The following NDUFS4 variants were observed in gnomAD, a reference collection of about 807,000 sequenced individuals.
The protein encoded by NDUFS4 is NADH dehydrogenase [ubiquinone] iron-sulfur protein 4, mitochondrial.
In NDUFS4, 28 loss-of-function variants were observed where a neutral mutation model predicts 24.3. The observed-to-expected ratio is 1.15, with a 90% CI of 0.85 to 1.58. The LOEUF (loss-of-function observed/expected upper bound fraction) is 1.58. NDUFS4 is among the 40% of genes most tolerant of loss of function. The pLI, the probability that NDUFS4 is intolerant of heterozygous loss-of-function variation, is 0.00. For synonymous variants in NDUFS4, 93 were observed against 69.7 expected, an observed-to-expected ratio of 1.34 and a Z score of -1.67; for missense variants, 223 against 207.9, an observed-to-expected ratio of 1.07 and a Z score of -0.45.
chr5:53,669,640 T>C (rs1752610856), intron 4 of NDUFS4, among the ~76,000 whole-genome samples: 1 of 152,188 alleles, frequency 6.6e-6, no homozygotes, highest in African/African-American at 2.4e-5. Context: ...GTCAGAAGCA[T>C]GTTGAACACA....
At chr5:53,674,173 GAAGAAA>G (rs969745622) in intron 4 of NDUFS4, among the ~76,000 whole-genome samples, 30 of 152,260 alleles carry the variant, frequency 2.0e-4, no homozygotes, top group African/African-American at 7.2e-4. Flanking sequence ...TGCTAAATTT[GAAGAAA>G]AAGTATATTG....
chr5:53,593,436 T>G (rs1023652560), intron 1 of NDUFS4, among the ~76,000 whole-genome samples: 4 of 151,774 alleles, frequency 2.6e-5, no homozygotes, highest in African/African-American at 9.7e-5. Context: ...ATCTGTCTGT[T>G]TCTCTTTTTT....
intron 2 of NDUFS4, among the ~76,000 whole-genome samples, chr5:53,632,655 A>C (rs188240655): frequency 6.6e-6 from 1 of 152,088 alleles, no homozygotes. Context: ...ATGTGCCCCC[A>C]TGCATGAAGC....
chr5:53,611,763 A>G (rs1254381866), intron 2 of NDUFS4, among the ~76,000 whole-genome samples: 3 of 151,950 alleles, frequency 2.0e-5, no homozygotes, highest in African/African-American at 7.2e-5. Flanking sequence ...TTATGAGGGT[A>G]ACTTTTTTTT....
At chr5:53,602,502 C>T (rs1161155745) in intron 1 of NDUFS4, among the ~76,000 whole-genome samples, 1 of 152,044 alleles carries the variant, frequency 6.6e-6, no homozygotes, top group Non-Finnish European at 1.5e-5. Context: ...TTCTATATGG[C>T]TGTGTACACA....
intron 4 of NDUFS4, among the ~76,000 whole-genome samples, chr5:53,670,611 A>G (rs1410814212): frequency 6.7e-6 from 1 of 149,726 alleles, no homozygotes; most frequent in Non-Finnish European, 1.5e-5. Flanking sequence ...GGCAATATAC[A>G]GGGTATACAT....
intron 1 of NDUFS4, among the ~76,000 whole-genome samples, chr5:53,592,694 CTA>C (rs1750011904): frequency 6.6e-6 from 1 of 152,158 alleles, no homozygotes; most frequent in South Asian, 2.1e-4. Flanking sequence ...GATCAGTTGA[CTA>C]TATTTGAATA....
At chr5:53,626,184 G>T (rs1751217634) in intron 2 of NDUFS4, among the ~76,000 whole-genome samples, 1 of 152,068 alleles carries the variant, frequency 6.6e-6, no homozygotes, top group Non-Finnish European at 1.5e-5. Context: ...ATGGTTTCCA[G>T]TTTCATCCAT....
At chr5:53,669,534 C>T (rs1182036754) in intron 4 of NDUFS4, among the ~76,000 whole-genome samples, 2 of 152,170 alleles carry the variant, frequency 1.3e-5, no homozygotes, top group Non-Finnish European at 2.9e-5. Context: ...ACTGGATGAA[C>T]TCCTCTTTCT....
chr5:53,583,467 T>A (rs1440366373), intron 1 of NDUFS4, among the ~76,000 whole-genome samples: 1 of 152,190 alleles, frequency 6.6e-6, no homozygotes, highest in East Asian at 1.9e-4. Flanking sequence ...CAATTGTAAT[T>A]TTTTTCCGTA....
chr5:53,604,648 G>A, intron 2 of NDUFS4: 1 of 410,732 alleles, frequency 2.4e-6, no homozygotes, highest in Non-Finnish European at 4.9e-6. Flanking sequence ...GCTTCCTGTT[G>A]CCCTTAGAGT....
At chr5:53,677,634 T>C (rs1157219225) in intron 4 of NDUFS4, among the ~76,000 whole-genome samples, 1 of 152,228 alleles carries the variant, frequency 6.6e-6, no homozygotes, top group East Asian at 1.9e-4. Context: ...GTTAGGGTTA[T>C]GCTCCGCTTT....
intron 4 of NDUFS4, among the ~76,000 whole-genome samples, chr5:53,668,244 G>A (rs565645902): frequency 1.8e-4 from 28 of 152,166 alleles, no homozygotes; most frequent in African/African-American, 6.5e-4. Context: ...AATTGTATTT[G>A]AGATACAGTT....
rs148221549 is a variant in NDUFS4, at chr5:53,683,173, T to C, written c.480T>C (p.Tyr160=). ...TTCCAAAACCCAAGTCCAAGTCTTA[T>C]GGTGCAAACTTTTCTTGGAACAAAA... The part of the protein sequence containing the change: ...RKVPKPKSKS[Y]GANFSWNKRT... The change falls in exon 5 of 5, where the codon TAT becomes TAC. Residue 160 remains tyrosine (Y), a synonymous_variant. Coordinates refer to ENST00000296684, the MANE Select transcript of NDUFS4 (RefSeq NM_002495.4). 1.2e-5 allele frequency: 20 copies of C among 1,612,632 alleles called. No individual in the cohort carries two copies. Among genetic ancestry groups the C allele is most frequent in the Middle Eastern group, 1.7e-4 (1 of 6,054 alleles).
chr5:53,643,803 G>A (rs779999392), intron 2 of NDUFS4, among the ~76,000 whole-genome samples: 2 of 152,062 alleles, frequency 1.3e-5, no homozygotes, highest in South Asian at 2.1e-4. Flanking sequence ...AGCTCAATTG[G>A]GCTGTAGTAC....
chr5:53,563,061 C>G (rs2112401951), intron 1 of NDUFS4, among the ~76,000 whole-genome samples: 1 of 152,042 alleles, frequency 6.6e-6, no homozygotes, highest in Non-Finnish European at 1.5e-5. Flanking sequence ...AACCCCGTCT[C>G]TACTAAAAAT....
chr5:53,638,388 AT>A (rs1246052658), intron 2 of NDUFS4, among the ~76,000 whole-genome samples: 1 of 152,152 alleles, frequency 6.6e-6, no homozygotes, highest in Non-Finnish European at 1.5e-5. Context: ...GGTTTAAAGC[AT>A]TTGATTAAAT....
chr5:53,658,496 T>A, intron 3 of NDUFS4, 55 bp from the exon 4 acceptor site: 4 of 1,188,896 alleles, frequency 3.4e-6, no homozygotes, highest in Non-Finnish European at 3.8e-6. Flanking sequence ...ATATTGATTT[T>A]GTTTCTCAGC....
chr5:53,589,920 T>A (rs1186337754), intron 1 of NDUFS4, among the ~76,000 whole-genome samples: 1 of 152,192 alleles, frequency 6.6e-6, no homozygotes, highest in African/African-American at 2.4e-5. Flanking sequence ...CTTTCCTTGC[T>A]CCTCAACTTG....
Sources: gnomAD v4.1 joint callset for allele counts (sites outside exome capture counted in the v4.1 genomes callset) on GRCh38, gnomAD v4.1.1 for gene constraint, MANE v1.5 for transcripts, NCBI Gene and HGNC (gene_info 2026-07-23, HGNC 2026-07-21) for gene names.